Variants in ANKRD6 observed in about 807,000 individuals in gnomAD.
The protein encoded by ANKRD6 is ankyrin repeat domain-containing protein 6.
ANKRD6 carries 56 observed loss-of-function variants against 82.3 expected under a neutral mutation model. That is an observed-to-expected ratio of 0.68 (90% CI 0.55 to 0.85). The LOEUF is 0.85. ANKRD6 is among the 40% of genes least tolerant of loss of function. The probability of loss-of-function intolerance (pLI) is 0.00; values close to 1 mark genes in which losing one functional copy is unlikely to be tolerated. For missense variants in ANKRD6, 852 were observed against 907.6 expected, an observed-to-expected ratio of 0.94 and a Z score of 0.79; for synonymous variants, 347 against 352.1, an observed-to-expected ratio of 0.99 and a Z score of 0.16.
rs368296229 is a variant in ANKRD6, at chr6:89,621,906, C to G, written c.793-16C>G. 1 of 1,612,158 alleles carries G rather than the reference C, an allele frequency of 6.2e-7. No individual in the cohort carries two copies. Among genetic ancestry groups the G allele is most frequent in the Admixed American group, 1.7e-5 (1 of 59,986 alleles). On this transcript the variant is annotated splice_polypyrimidine_tract_variant and intron_variant, in intron 9 of 15. Coordinates refer to ENST00000339746, the MANE Select transcript of ANKRD6 (RefSeq NM_001242809.2). ...CGCACACCAGTGGTTGTAACAATGCCGTTTGCCTCCTTCAGGTCTTGCGCT... is the reference window on the plus strand; with the variant it reads ...CGCACACCAGTGGTTGTAACAATGCGGTTTGCCTCCTTCAGGTCTTGCGCT...
At position 89,631,087 on chromosome 6, in the gene ANKRD6, T is replaced by C. The variant is rs1807312606; in HGVS notation, c.*83T>C. 2 of 1,429,720 alleles carry C rather than the reference T, an allele frequency of 1.4e-6. No individual in the cohort carries two copies. The highest frequency in any genetic ancestry group is 1.8e-6 in the Non-Finnish European group (2 of 1,097,056). The allele number at this position is 1,429,720 out of a possible 1,614,324, so 88.6% of individuals were successfully genotyped here. On this transcript the variant is annotated 3_prime_UTR_variant, in exon 16 of 16. Transcript: ENST00000339746. Reference sequence around the variant, plus strand: ...TAATAGCTATGCCCAAGGAGTCAACTATTGTATATATTGCAGATTTGCCTT... The same window carrying C: ...TAATAGCTATGCCCAAGGAGTCAACCATTGTATATATTGCAGATTTGCCTT...
In ANKRD6 at chr6:89,630,849, A is replaced by C; in HGVS notation, c.2029A>C (p.Thr677Pro). 1 of 1,613,906 alleles carries C rather than the reference A, an allele frequency of 6.2e-7. No individual in the cohort carries two copies. The highest frequency in any genetic ancestry group is 8.5e-7 in the Non-Finnish European group (1 of 1,179,886). Residue 677 changes from threonine to proline, a missense_variant, in exon 16 of 16, where the codon ACC becomes CCC. By Grantham distance (38) the Thr-to-Pro change is conservative (BLOSUM62 -1). Transcript: ENST00000339746. ...CCAGTATTTTTTTGAGGCTGTTTCT[A>C]CCCAGATGGAAAAGTGGTATGAAAG... ...LTQYFFEAVS[T>P]QMEKWYERKI... is the part of the protein sequence containing the mutation.
At chr6:89,475,140 G>T (rs1337500709) in intron 1 of ANKRD6, among the ~76,000 whole-genome samples, 1 of 152,114 alleles carries the variant, frequency 6.6e-6, no homozygotes, top group African/African-American at 2.4e-5. Context: ...TGAGAAATTT[G>T]TCTCACTTTA....
intron 1 of ANKRD6, among the ~76,000 whole-genome samples, chr6:89,504,005 C>T (rs920415132): frequency 2.6e-5 from 4 of 151,752 alleles, no homozygotes; most frequent in Admixed American, 6.6e-5. Context: ...CAGACCTGGG[C>T]GCTTATTCTG....
At chr6:89,459,621 T>G (rs1773888322) in intron 1 of ANKRD6, among the ~76,000 whole-genome samples, 1 of 152,206 alleles carries the variant, frequency 6.6e-6, no homozygotes, top group South Asian at 2.1e-4. Context: ...TGCTTCAGAT[T>G]CCTGAGTAGC....
intron 1 of ANKRD6, among the ~76,000 whole-genome samples, chr6:89,541,031 G>A (rs1426399718): frequency 6.6e-6 from 1 of 152,070 alleles, no homozygotes; most frequent in Non-Finnish European, 1.5e-5. Flanking sequence ...TACTATAGCT[G>A]TGTAGTATAA....
At chr6:89,570,534 T>A (rs544083596) in intron 2 of ANKRD6, among the ~76,000 whole-genome samples, 1 of 152,290 alleles carries the variant, frequency 6.6e-6, no homozygotes, top group East Asian at 1.9e-4. Context: ...TGAAGCTCTA[T>A]ACCCATTAAA....
intron 3 of ANKRD6, among the ~76,000 whole-genome samples, chr6:89,600,438 T>C (rs1390154802): frequency 6.6e-6 from 1 of 152,222 alleles, no homozygotes; most frequent in Non-Finnish European, 1.5e-5. Context: ...TTGTTGCTCA[T>C]ACTTCATGAA....
At chr6:89,524,628 A>C in intron 1 of ANKRD6, among the ~76,000 whole-genome samples, 1 of 152,254 alleles carries the variant, frequency 6.6e-6, no homozygotes, top group East Asian at 1.9e-4. Flanking sequence ...CCACATGTTG[A>C]TTGATGGGCA....
intron 1 of ANKRD6, among the ~76,000 whole-genome samples, chr6:89,491,219 G>C (rs1273885215): frequency 6.6e-6 from 1 of 152,154 alleles, no homozygotes; most frequent in African/African-American, 2.4e-5. Flanking sequence ...GTGGTAATCT[G>C]TTATGACAAT....
chr6:89,472,635 A>G (rs2127790510), intron 1 of ANKRD6, among the ~76,000 whole-genome samples: 1 of 152,318 alleles, frequency 6.6e-6, no homozygotes. Context: ...TTGTTGGCAG[A>G]GCTCTAATCT....
intron 13 of ANKRD6, among the ~76,000 whole-genome samples, chr6:89,625,172 A>C (rs1211251157): frequency 6.6e-6 from 1 of 151,952 alleles, no homozygotes; most frequent in Non-Finnish European, 1.5e-5. Context: ...AATCCCAGCT[A>C]CTCGGGAGGC....
chr6:89,617,872 C>T, intron 8 of ANKRD6, 82 bp from the exon 9 acceptor site: 1 of 1,386,390 alleles, frequency 7.2e-7, no homozygotes, highest in Non-Finnish European at 1.0e-6. Context: ...CTGCCTGCTC[C>T]TGGCCAGAGC....
intron 1 of ANKRD6, among the ~76,000 whole-genome samples, chr6:89,527,598 T>A (rs1460848024): frequency 1.0e-4 from 6 of 59,484 alleles, no homozygotes; most frequent in African/African-American, 3.6e-4. Context: ...GGAGACTCCG[T>A]CTCAAAAAAA....
intron 1 of ANKRD6, among the ~76,000 whole-genome samples, chr6:89,445,264 CTTTTTTTT>C (rs1227274602): frequency 6.2e-5 from 4 of 64,092 alleles, no homozygotes; most frequent in East Asian, 5.4e-4. Flanking sequence ...AGAGATCTTT[CTTTTTTTT>C]TTTTTTTTTT....
At chr6:89,466,685 G>T (rs1399996326) in intron 1 of ANKRD6, among the ~76,000 whole-genome samples, 1 of 151,660 alleles carries the variant, frequency 6.6e-6, no homozygotes, top group African/African-American at 2.4e-5. Context: ...TTTGTAAGAG[G>T]TTTTTTTTGT....
At chr6:89,477,041 T>A (rs1267630480) in intron 1 of ANKRD6, among the ~76,000 whole-genome samples, 2 of 152,162 alleles carry the variant, frequency 1.3e-5, no homozygotes, top group Non-Finnish European at 2.9e-5. Context: ...GCCTCACGGG[T>A]TCACGCCATT....
intron 1 of ANKRD6, among the ~76,000 whole-genome samples, chr6:89,523,711 T>C (rs543924077): frequency 1.3e-5 from 2 of 152,340 alleles, no homozygotes; most frequent in African/African-American, 4.8e-5. Flanking sequence ...CTCATACTTC[T>C]CTGTGCTCAT....
At chr6:89,478,424 C>T (rs563634840) in intron 1 of ANKRD6, 1 of 152,050 alleles carries the variant, frequency 6.6e-6, no homozygotes, top group African/African-American at 2.4e-5. Flanking sequence ...CATAGTGAGA[C>T]CCTGTCTCTA....
Sources: allele counts gnomAD v4.1 joint callset (sites outside exome capture counted in the v4.1 genomes callset), GRCh38; gene constraint gnomAD v4.1.1; transcripts MANE v1.5; gene names NCBI Gene and HGNC (gene_info 2026-07-23, HGNC 2026-07-21).